The following CPNE8 variants were observed in gnomAD, a reference collection of about 807,000 sequenced individuals.
CPNE8 encodes copine 8.
A neutral mutation model predicts 81.5 loss-of-function variants in CPNE8; 45 were observed. That is an observed-to-expected ratio of 0.55 (90% CI 0.44 to 0.71). The LOEUF is 0.71. CPNE8 is among the 30% of genes least tolerant of loss of function. The pLI is 0.00. For missense variants in CPNE8, 594 were observed against 672.1 expected (o/e 0.88, Z 1.28); for synonymous variants, 252 against 226.3 (o/e 1.11, Z -1.02).
chr12:38,759,891 C>T (rs906780382), intron 10 of CPNE8, among the ~76,000 whole-genome samples: 11 of 152,172 alleles, frequency 7.2e-5, no homozygotes, highest in African/African-American at 2.4e-4. Flanking sequence ...AAGAGGGTGC[C>T]CCCTCAGCAC....
intron 1 of CPNE8, among the ~76,000 whole-genome samples, chr12:38,885,150 A>G (rs1944220313): frequency 6.6e-6 from 1 of 152,202 alleles, no homozygotes; most frequent in Admixed American, 6.5e-5. Flanking sequence ...TTATATGATA[A>G]TGAATGTATT....
At chr12:38,877,739 A>C (rs757036878) in intron 1 of CPNE8, among the ~76,000 whole-genome samples, 4 of 152,194 alleles carry the variant, frequency 2.6e-5, no homozygotes, top group Admixed American at 2.6e-4. Flanking sequence ...GAAATAGCAT[A>C]ACTAAAGCCG....
intron 15 of CPNE8, among the ~76,000 whole-genome samples, chr12:38,687,380 T>TC (rs1387216674): frequency 4.8e-5 from 7 of 144,572 alleles, no homozygotes; most frequent in East Asian, 2.0e-4. Context: ...CTTTCTTTTT[T>TC]TTTTTTTTTT....
At chr12:38,797,478 A>G (rs79490585) in intron 6 of CPNE8, among the ~76,000 whole-genome samples, 5,134 of 152,260 alleles carry the variant, frequency 0.034, 275 homozygotes, top group East Asian at 0.19. Flanking sequence ...ACAGACCTGC[A>G]GCTGAGGGTC....
intron 6 of CPNE8, among the ~76,000 whole-genome samples, chr12:38,817,402 G>T (rs975197572): frequency 6.6e-6 from 1 of 152,080 alleles, no homozygotes; most frequent in Non-Finnish European, 1.5e-5. Context: ...CTCAGATAAA[G>T]GTGGGCCACT....
intron 6 of CPNE8, among the ~76,000 whole-genome samples, chr12:38,798,672 T>G (rs549330485): frequency 6.6e-6 from 1 of 151,506 alleles, no homozygotes; most frequent in Admixed American, 6.6e-5. Context: ...AACATCATAA[T>G]GACAGGATCA....
intron 19 of CPNE8, among the ~76,000 whole-genome samples, chr12:38,667,008 A>G (rs1939070680): frequency 6.6e-6 from 1 of 152,178 alleles, no homozygotes. Flanking sequence ...AAATATCGTT[A>G]TACAAAAAGG....
intron 16 of CPNE8, among the ~76,000 whole-genome samples, chr12:38,683,537 C>T (rs1431274950): frequency 6.6e-6 from 1 of 151,996 alleles, no homozygotes; most frequent in Non-Finnish European, 1.5e-5. Flanking sequence ...AATAGTACCT[C>T]GTCTGCTTAG....
At chr12:38,779,410 T>C (rs1941999581) in intron 6 of CPNE8, among the ~76,000 whole-genome samples, 1 of 152,144 alleles carries the variant, frequency 6.6e-6, no homozygotes. Flanking sequence ...TTATATCTCA[T>C]TAACTAGATT....
chr12:38,796,261 T>A (rs536318617), intron 6 of CPNE8, among the ~76,000 whole-genome samples: 1 of 152,134 alleles, frequency 6.6e-6, no homozygotes, highest in South Asian at 2.1e-4. Context: ...CACTCCAGCC[T>A]GGGAGAGAGA....
At chr12:38,817,022 C>T (rs78645954) in intron 6 of CPNE8, among the ~76,000 whole-genome samples, 1,935 of 152,258 alleles carry the variant, frequency 0.013, 31 homozygotes, top group African/African-American at 0.044. Context: ...TTTAAATAAA[C>T]GAATGAATGA....
intron 3 of CPNE8, among the ~76,000 whole-genome samples, chr12:38,870,946 A>T (rs953011158): frequency 1.3e-5 from 2 of 152,124 alleles, no homozygotes; most frequent in Non-Finnish European, 2.9e-5. Context: ...AAACATAAGG[A>T]TTATAATATA....
chr12:38,702,822 A>AT, intron 14 of CPNE8, 53 bp downstream of exon 14: 1 of 1,074,694 alleles, frequency 9.3e-7, no homozygotes, highest in Non-Finnish European at 1.4e-6. Flanking sequence ...ATATAAATTT[A>AT]TTTTTCATGT....
At chr12:38,818,476 G>C (rs562565454) in intron 6 of CPNE8, among the ~76,000 whole-genome samples, 1 of 152,188 alleles carries the variant, frequency 6.6e-6, no homozygotes, top group South Asian at 2.1e-4. Flanking sequence ...CCTTTTTTAT[G>C]TCTGCACAGT....
chr12:38,882,247 G>A (rs565861491), intron 1 of CPNE8, among the ~76,000 whole-genome samples: 6 of 152,298 alleles, frequency 3.9e-5, no homozygotes, highest in African/African-American at 1.2e-4. Flanking sequence ...ACTTACAGAA[G>A]AGACAAGACA....
chr12:38,902,034 C>T (rs889588062), intron 1 of CPNE8, among the ~76,000 whole-genome samples: 3 of 151,830 alleles, frequency 2.0e-5, no homozygotes, highest in African/African-American at 7.3e-5. Context: ...AAATTATTTC[C>T]ATGAATTATA....
At chr12:38,749,252 A>G (rs1941301891) in intron 10 of CPNE8, among the ~76,000 whole-genome samples, 1 of 152,010 alleles carries the variant, frequency 6.6e-6, no homozygotes, top group African/African-American at 2.4e-5. Flanking sequence ...GCCTTCTGAC[A>G]TGATTGTGAG....
intron 1 of CPNE8, among the ~76,000 whole-genome samples, chr12:38,886,493 G>A (rs576074692): frequency 3.9e-5 from 6 of 152,294 alleles, no homozygotes; most frequent in African/African-American, 7.2e-5. Context: ...TAAGGAAAAA[G>A]GTCAAATTCA....
chr12:38,795,736 T>C (rs1421448340), intron 6 of CPNE8, among the ~76,000 whole-genome samples: 4 of 152,164 alleles, frequency 2.6e-5, no homozygotes, highest in Non-Finnish European at 5.9e-5. Flanking sequence ...AGGAGTGTTG[T>C]TTAATGAGTA....
Sources: gnomAD v4.1 joint callset for allele counts (sites outside exome capture counted in the v4.1 genomes callset) on GRCh38, gnomAD v4.1.1 for gene constraint, MANE v1.5 for transcripts, NCBI Gene and HGNC (gene_info 2026-07-23, HGNC 2026-07-21) for gene names.